Variants in RASGRP4 observed in about 807,000 individuals in gnomAD.
RASGRP4 encodes the protein RAS guanyl releasing protein 4, also known as RAS guanyl-releasing protein 4.
A neutral mutation model predicts 84.4 loss-of-function variants in RASGRP4; 52 were observed. That is an observed-to-expected ratio of 0.62 (90% CI 0.49 to 0.78). The LOEUF (loss-of-function observed/expected upper bound fraction) is 0.78, where lower values mean the gene tolerates loss of function less well. Ranked by LOEUF, RASGRP4 falls within the 30% of genes least tolerant of loss-of-function variation. The pLI is 0.00. For missense variants in RASGRP4, 760 were observed against 886.9 expected, an observed-to-expected ratio of 0.86 and a Z score of 1.82; for synonymous variants, 356 against 359.1, an observed-to-expected ratio of 0.99 and a Z score of 0.10.
Position 38,415,085 on chromosome 19 carries a change from G to A in RASGRP4, c.993C>T (p.Asn331=). Residue 331 remains asparagine, a synonymous_variant, in exon 9 of 17, where the codon AAC becomes AAT. Transcript: ENST00000615439. ...AGGTGCGGCGGTAGCGGGCGTAGTT[G>A]TTGTGGGAGGCAAGGAGCTCAGTGA... The part of the protein sequence containing the change: ...LELTELLASH[N]NYARYRRTWA... 6.2e-7 allele frequency: 1 copy of A among 1,600,664 alleles called. No individual in the cohort carries two copies. The highest frequency in any genetic ancestry group is 8.5e-7 in the Non-Finnish European group (1 of 1,173,670).
chr19:38,426,209 G>A lies in RASGRP4; in HGVS notation c.-118C>T, dbSNP rs1335205731. 12 of 826,722 alleles carry A rather than the reference G, an allele frequency of 1.5e-5. No homozygotes were observed. The highest frequency in any genetic ancestry group is 1.8e-5 in the Non-Finnish European group (11 of 611,552). The allele number at this position is 826,722 out of a possible 1,614,324, so 51.2% of individuals were successfully genotyped here. On this transcript the variant is annotated 5_prime_UTR_variant, in exon 1 of 17. Coordinates refer to ENST00000615439, the MANE Select transcript of RASGRP4 (RefSeq NM_170604.3). ...GAGCTGGGGCCTCCTCGGTGCTTGGGAAGGAAAGAGGAACTGCCCCTCCCC... is the reference window on the plus strand; with the variant it reads ...GAGCTGGGGCCTCCTCGGTGCTTGGAAAGGAAAGAGGAACTGCCCCTCCCC...
chr19:38,425,626 G>A (rs1488520300), intron 1 of RASGRP4, among the ~76,000 whole-genome samples: 1 of 152,174 alleles, frequency 6.6e-6, no homozygotes, highest in Non-Finnish European at 1.5e-5. Context: ...ACTAGGCCCT[G>A]TCCTGCAGCC....
chr19:38,418,587 G>GGTGGGCCGTGGCGC lies in RASGRP4; in HGVS notation c.664-37_664-24dup. On this transcript the variant is annotated intron_variant, in intron 6 of 16. Transcript: ENST00000615439. The surrounding 1 kb of genome is among the most constrained non-coding windows in gnomAD (Gnocchi z 4.6). ...GGGCTGGGAGCGAGGTGGGTGTCAAGGTGGGCCGTGGCGCTCAGGCCCTGC... is the reference window on the plus strand; with the variant it reads ...GGGCTGGGAGCGAGGTGGGTGTCAAGGTGGGCCGTGGCGCGTGGGCCGTGGCGCTCAGGCCCTGC... 1 of 1,487,844 alleles carries GGTGGGCCGTGGCGC rather than the reference G, an allele frequency of 6.7e-7. No homozygotes were observed. Among genetic ancestry groups the GGTGGGCCGTGGCGC allele is most frequent in the Non-Finnish European group, 9.0e-7 (1 of 1,116,888 alleles). 92.2% of individuals were successfully genotyped at this position (1,487,844 alleles called of 1,614,324 possible). A position where few individuals can be genotyped will look rare whatever the true frequency, so the allele number is the denominator to read the frequency against.
chr19:38,417,085 G>A lies in RASGRP4; in HGVS notation c.921C>T (p.Asp307=), dbSNP rs1490417336. ...TGTCAGGGCTCAGGTGGGCATGGGA[G>A]TCCTTGAGTCTGGAGATGGCACTGT... ...LCHSAISRLK[D]SHAHLSPDST... is the part of the protein sequence containing the mutation. Residue 307 remains aspartate, a synonymous_variant, in exon 8 of 17, where the codon GAC becomes GAT. Coordinates refer to ENST00000615439, the MANE Select transcript of RASGRP4 (RefSeq NM_170604.3). The surrounding 1 kb of genome is among the most constrained non-coding windows in gnomAD (Gnocchi z 5.1). The A allele has an allele frequency of 6.4e-7, 1 of 1,562,238 alleles. No individual in the cohort carries two copies. Among genetic ancestry groups the A allele is most frequent in the East Asian group, 2.4e-5 (1 of 41,908 alleles).
chr19:38,426,056 A>G lies in RASGRP4; in HGVS notation c.23+13T>C. On this transcript the variant is annotated intron_variant, in intron 1 of 16. Coordinates refer to ENST00000615439, the MANE Select transcript of RASGRP4 (RefSeq NM_170604.3). Reference sequence around the variant, plus strand: ...CAGGGTGCTGCCGGGCTCCCTGGGGAGGGTCCTCTCACCTCTTACTGTCTT... The same window carrying G: ...CAGGGTGCTGCCGGGCTCCCTGGGGGGGGTCCTCTCACCTCTTACTGTCTT... 1 of 1,367,748 alleles carries G rather than the reference A, an allele frequency of 7.3e-7. No individual in the cohort carries two copies. Among genetic ancestry groups the G allele is most frequent in the Non-Finnish European group, 9.5e-7 (1 of 1,051,064 alleles). The allele number at this position is 1,367,748 out of a possible 1,614,324, so 84.7% of individuals were successfully genotyped here.
chr19:38,422,381 C>T (rs1971795928), intron 1 of RASGRP4, among the ~76,000 whole-genome samples: 1 of 152,206 alleles, frequency 6.6e-6, no homozygotes, highest in South Asian at 2.1e-4. Flanking sequence ...CAGGGATATT[C>T]CTGCTCCCTT....
At chr19:38,410,421 T>G (rs1216193246) in intron 16 of RASGRP4, among the ~76,000 whole-genome samples, 1 of 151,498 alleles carries the variant, frequency 6.6e-6, no homozygotes, top group East Asian at 1.9e-4. Context: ...TTTCTTTTTT[T>G]TTTTTTTTTG....
Position 38,417,804 on chromosome 19 carries a change from G to A in RASGRP4, c.837+587C>T, listed in dbSNP as rs542132777. Among the ~76,000 whole-genome samples, 7 of 152,306 alleles carry A rather than the reference G, an allele frequency of 4.6e-5. No homozygotes were observed. The East Asian group carries it at 1.4e-3, about 29-fold the overall frequency. Reference sequence around the variant, plus strand: ...ACGTCGAGACCCCCAGGTCTCAGGGGCCCTGCAGGAGTAAGCAAGCCAGGG... The same window carrying A: ...ACGTCGAGACCCCCAGGTCTCAGGGACCCTGCAGGAGTAAGCAAGCCAGGG... On this transcript the variant is annotated intron_variant, in intron 7 of 16. Coordinates refer to ENST00000615439, the MANE Select transcript of RASGRP4 (RefSeq NM_170604.3). This position sits in a 1 kb window ranked among gnomAD's most constrained non-coding sequence, Gnocchi z 5.1.
At position 38,418,344 on chromosome 19, in the gene RASGRP4, G is replaced by A. The variant is rs1156836713; in HGVS notation, c.837+47C>T. The A allele has an allele frequency of 2.6e-6, 4 of 1,561,200 alleles. No individual in the cohort carries two copies. Among genetic ancestry groups the A allele is most frequent in the African/African-American group, 2.7e-5 (2 of 73,756 alleles). On this transcript the variant is annotated intron_variant, in intron 7 of 16. Transcript: ENST00000615439. The surrounding 1 kb of genome is among the most constrained non-coding windows in gnomAD (Gnocchi z 4.6). ...CGAGGGTCTGGAAGGGGAAGGACCAGGTGGCTGCGTGCAGTGGAGTTCGCA... is the reference window on the plus strand; with the variant it reads ...CGAGGGTCTGGAAGGGGAAGGACCAAGTGGCTGCGTGCAGTGGAGTTCGCA...
In RASGRP4 at chr19:38,411,251, T is replaced by C. The variant is rs1183774977; in HGVS notation, c.1718-2A>G. The C allele has an allele frequency of 6.2e-7, 1 of 1,613,934 alleles. No homozygotes were observed. The highest frequency in any genetic ancestry group is 1.7e-5 in the Admixed American group (1 of 60,012). ...GTTTGTGGCAACACAGCCCGCACTC[T>C]GGGGGAAGGCAGCGGCAGGGGTCCG... On this transcript the variant is annotated splice_acceptor_variant, in intron 14 of 16. Coordinates refer to ENST00000615439, the MANE Select transcript of RASGRP4 (RefSeq NM_170604.3). LOFTEE classifies it high-confidence loss of function.
intron 1 of RASGRP4, among the ~76,000 whole-genome samples, chr19:38,424,877 C>A (rs1031593958): frequency 6.6e-6 from 1 of 152,132 alleles, no homozygotes; most frequent in African/African-American, 2.4e-5. Context: ...AGGTCCCAAC[C>A]CAGACCTACA....
rs562375265 is a variant in RASGRP4 at position 38,413,907 on chromosome 19, G to A, written c.1231-433C>T. 1.1e-4 allele frequency among the ~76,000 whole-genome samples: 16 copies of A among 152,264 alleles called. No individual in the cohort carries two copies. Among genetic ancestry groups the A allele is most frequent in the African/African-American group, 3.6e-4 (15 of 41,552 alleles). On this transcript the variant is annotated intron_variant, in intron 9 of 16. Transcript: ENST00000615439. The surrounding 1 kb of genome is among the most constrained non-coding windows in gnomAD (Gnocchi z 4.7). ...GGGGAAAAAACATGTTACTTAAATA[G>A]AATACAGAGCTCACTCTGCTCCATA...
At chr19:38,421,047 G>A (rs774690434) in intron 3 of RASGRP4, 48 bp downstream of exon 3, 8 of 1,605,036 alleles carry the variant, frequency 5.0e-6, no homozygotes, top group Non-Finnish European at 6.8e-6. Context: ...AGGTTCTCAC[G>A]ACTCTGCCCT....
At chr19:38,421,288 A>G in intron 2 of RASGRP4, 88 bp from the exon 3 acceptor site, 1 of 942,856 alleles carries the variant, frequency 1.1e-6, no homozygotes, top group Non-Finnish European at 1.7e-6. Context: ...CACCTGGTTC[A>G]AAGACCAGCT....
Position 38,418,584 on chromosome 19 carries a change from C to A in RASGRP4, c.664-20G>T. On this transcript the variant is annotated intron_variant, in intron 6 of 16. Transcript: ENST00000615439. This position sits in a 1 kb window ranked among gnomAD's most constrained non-coding sequence, Gnocchi z 4.6. ...CTGGGGCTGGGAGCGAGGTGGGTGT[C>A]AAGGTGGGCCGTGGCGCTCAGGCCC... The A allele has an allele frequency of 1.3e-6, 2 of 1,492,928 alleles. No individual in the cohort carries two copies. The highest frequency in any genetic ancestry group is 2.6e-5 in the South Asian group (2 of 75,828). 92.5% of individuals were successfully genotyped at this position (1,492,928 alleles called of 1,614,324 possible). A position where few individuals can be genotyped will look rare whatever the true frequency, so the allele number is the denominator to read the frequency against.
In RASGRP4 at chr19:38,409,074, A is replaced by C; in HGVS notation, c.*966T>G. 1.9e-6 allele frequency: 1 copy of C among 522,568 alleles called. No homozygotes were observed. The highest frequency in any genetic ancestry group is 3.9e-5 in the Admixed American group (1 of 25,440). The allele number at this position is 522,568 out of a possible 1,614,324, so 32.4% of individuals were successfully genotyped here. ...ACCATGTTCTCCAGAGAATAAATTTAATTTATGACAGCTGTAGGACCTCTC... is the reference window on the plus strand; with the variant it reads ...ACCATGTTCTCCAGAGAATAAATTTCATTTATGACAGCTGTAGGACCTCTC... On this transcript the variant is annotated 3_prime_UTR_variant, in exon 17 of 17. Transcript: ENST00000615439.
At chr19:38,414,425 C>T (rs983899704) in intron 9 of RASGRP4, among the ~76,000 whole-genome samples, 1 of 151,990 alleles carries the variant, frequency 6.6e-6, no homozygotes, top group African/African-American at 2.4e-5. Flanking sequence ...CTCCCGGGTT[C>T]AAGCAATTCT....
chr19:38,415,371 ATT>A (rs35862695), intron 8 of RASGRP4, among the ~76,000 whole-genome samples: 3,797 of 124,862 alleles, frequency 0.03, 102 homozygotes, highest in African/African-American at 0.1. Context: ...TTTCTTTTTG[ATT>A]TTTTTTTTTT....
chr19:38,422,382 C>T (rs1268712795), intron 1 of RASGRP4, among the ~76,000 whole-genome samples: 2 of 152,168 alleles, frequency 1.3e-5, no homozygotes, highest in South Asian at 2.1e-4. Context: ...AGGGATATTC[C>T]TGCTCCCTTC....
Sources: allele counts gnomAD v4.1 joint callset (sites outside exome capture counted in the v4.1 genomes callset), GRCh38; gene constraint gnomAD v4.1.1; non-coding constraint Gnocchi (gnomAD v3.1); transcripts MANE v1.5; gene names NCBI Gene and HGNC (gene_info 2026-07-23, HGNC 2026-07-21).